EFCAB7: variants seen among roughly 807,000 people sequenced by gnomAD.
EFCAB7 encodes the protein EF-hand calcium binding domain 7, also known as EF-hand calcium-binding domain-containing protein 7.
Under a neutral mutation model 77.1 loss-of-function variants are expected in EFCAB7, and 66 were observed. The ratio of observed to expected loss-of-function variants is 0.86; its 90% confidence interval spans 0.70 to 1.05. The LOEUF (loss-of-function observed/expected upper bound fraction) is 1.05. Among genes scored for constraint, EFCAB7 ranks in the 50% least tolerant of loss-of-function variants. The probability of loss-of-function intolerance (pLI) is 0.00; values close to 1 mark genes in which losing one functional copy is unlikely to be tolerated. For synonymous variants in EFCAB7, 225 were observed against 243.3 expected (o/e 0.92, Z 0.70); for missense variants, 638 against 730.5 (o/e 0.87, Z 1.46).
chr1:63,579,211 A>G, the EFCAB7 span, among the ~76,000 whole-genome samples: 1 of 152,184 alleles, frequency 6.6e-6, no homozygotes, highest in Non-Finnish European at 1.5e-5. Context: ...TTATAGTCAC[A>G]TCCCCATGAC....
At position 63,551,755 on chromosome 1, in the gene EFCAB7, C is replaced by G. The variant is rs766962721; in HGVS notation, c.977C>G (p.Thr326Ser). The G allele has an allele frequency of 1.9e-6, 3 of 1,567,322 alleles. No individual in the cohort carries two copies. The Admixed American group carries it at 5.4e-5, about 28-fold the overall frequency. ...CCATCCCCTTGGTTATCCGTTGATA[C>G]TGCCTTGTATATTCTCAAGGAAAAT... ...GKPSPWLSVDTALYILKENES... is the reference protein window; with the variant it reads ...GKPSPWLSVDSALYILKENES... The change falls in exon 8 of 14, where the codon ACT (threonine) becomes AGT (serine). Residue 326 changes from threonine (T) to serine (S), a missense_variant. Thr to Ser is a moderately conservative substitution (Grantham distance 58). Coordinates refer to ENST00000371088, the MANE Select transcript of EFCAB7 (RefSeq NM_032437.4).
chr1:63,532,847 A>G, intron 4 of EFCAB7, 91 bp downstream of exon 4: 1 of 972,498 alleles, frequency 1.0e-6, no homozygotes, highest in Non-Finnish European at 1.6e-6. Context: ...AATTGACATT[A>G]CAGTGTACAT....
At chr1:63,580,314 A>G in the EFCAB7 span, among the ~76,000 whole-genome samples, 1 of 152,140 alleles carries the variant, frequency 6.6e-6, no homozygotes, top group Non-Finnish European at 1.5e-5. Context: ...CATCGGTTGA[A>G]AAGATTATCC....
intron 2 of EFCAB7, among the ~76,000 whole-genome samples, chr1:63,530,456 C>G (rs934133527): frequency 1.3e-5 from 2 of 152,132 alleles, no homozygotes; most frequent in Non-Finnish European, 2.9e-5. Flanking sequence ...TGTTATATTT[C>G]AGTATGCAGA....
intron 11 of EFCAB7, 149 bp from the exon 12 acceptor site, chr1:63,568,161 T>TAAATA: frequency 1.8e-6 from 1 of 571,100 alleles, no homozygotes; most frequent in Admixed American, 3.7e-5. Flanking sequence ...GCTTGCTTAT[T>TAAATA]ACTCAATTCA....
intron 10 of EFCAB7, among the ~76,000 whole-genome samples, chr1:63,558,336 G>A (rs981987629): frequency 6.6e-6 from 1 of 152,104 alleles, no homozygotes; most frequent in Non-Finnish European, 1.5e-5. Context: ...CAGAGTTGAC[G>A]GTTAACATTT....
intron 6 of EFCAB7, among the ~76,000 whole-genome samples, chr1:63,544,809 T>C (rs1000307445): frequency 5.3e-5 from 8 of 152,254 alleles, no homozygotes; most frequent in African/African-American, 1.9e-4. Context: ...AATATATTTC[T>C]TTTAGCAATC....
At chr1:63,557,037 CAA>C (rs35668099) in intron 9 of EFCAB7, 75 bp from the exon 10 acceptor site, 5,815 of 928,432 alleles carry the variant, frequency 6.3e-3, no homozygotes, top group East Asian at 9.3e-3. Context: ...GACTCCGTCT[CAA>C]AAAAAAAAAA....
chr1:63,557,254 A>G lies in EFCAB7; in HGVS notation c.1348+7A>G, dbSNP rs374825803. ...GCTTGGGCTGTCTGCAGAGGTAAGC[A>G]CTTTTCTTTTCCTTAACAGATGTAT... On this transcript the variant is annotated splice_region_variant and intron_variant, in intron 10 of 13. Coordinates refer to ENST00000371088, the MANE Select transcript of EFCAB7 (RefSeq NM_032437.4). 7.5e-6 allele frequency: 12 copies of G among 1,591,104 alleles called. No homozygotes were observed. The highest frequency in any genetic ancestry group is 7.0e-5 in the South Asian group (6 of 85,748).
intron 12 of EFCAB7, 26 bp from the exon 13 acceptor site, chr1:63,570,992 TAGC>T: frequency 6.8e-7 from 1 of 1,481,288 alleles, no homozygotes; most frequent in East Asian, 2.3e-5. Context: ...AAGAAAGGAA[TAGC>T]AGCTTATGAA....
chr1:63,561,787 A>T lies in EFCAB7; in HGVS notation c.1427A>T (p.Glu476Val). The change falls in exon 11 of 14, where the codon GAA becomes GTA. Residue 476 changes from glutamate (E) to valine (V), a missense_variant. Transcript: ENST00000371088. ...AATCTAATGGAAGCTAATGATCGAGAAGGAGATCCTTGTGACCTTTGGGTA... is the reference window on the plus strand; with the variant it reads ...AATCTAATGGAAGCTAATGATCGAGTAGGAGATCCTTGTGACCTTTGGGTA... ...DLNLMEANDR[E>V]GDPCDLWVTL... 1 of 1,609,482 alleles carries T rather than the reference A, an allele frequency of 6.2e-7. No homozygotes were observed. Among genetic ancestry groups the T allele is most frequent in the East Asian group, 2.2e-5 (1 of 44,600 alleles).
chr1:63,553,388 T>C (rs1425895369), intron 8 of EFCAB7, among the ~76,000 whole-genome samples: 1 of 152,232 alleles, frequency 6.6e-6, no homozygotes, highest in Non-Finnish European at 1.5e-5. Flanking sequence ...GTCGCCAGGC[T>C]GGAGTGCAGT....
At chr1:63,532,922 C>T (rs1646716555) in intron 4 of EFCAB7, among the ~76,000 whole-genome samples, 166 bp downstream of exon 4, 1 of 152,100 alleles carries the variant, frequency 6.6e-6, no homozygotes, top group African/African-American at 2.4e-5. Context: ...AACTAATTAA[C>T]ATGTCAGCAA....
At chr1:63,535,974 A>G (rs2100878800) in intron 6 of EFCAB7, among the ~76,000 whole-genome samples, 1 of 152,320 alleles carries the variant, frequency 6.6e-6, no homozygotes, top group South Asian at 2.1e-4. Flanking sequence ...ACTTAATGTA[A>G]TACGATAGGG....
At chr1:63,560,558 C>T (rs1647085669) in intron 10 of EFCAB7, among the ~76,000 whole-genome samples, 1 of 148,074 alleles carries the variant, frequency 6.8e-6, no homozygotes, top group Non-Finnish European at 1.5e-5. Flanking sequence ...ACTCTGTCAC[C>T]CAGGCTGTAG....
intron 3 of EFCAB7, 70 bp downstream of exon 3, chr1:63,532,101 C>T (rs1646704780): frequency 9.2e-7 from 1 of 1,087,376 alleles, no homozygotes; most frequent in African/African-American, 1.6e-5. Context: ...CTTTGACTAC[C>T]AAAGTCCACA....
chr1:63,577,114 C>T (rs964480335), downstream of EFCAB7, among the ~76,000 whole-genome samples: 3 of 150,756 alleles, frequency 2.0e-5, no homozygotes, highest in African/African-American at 7.3e-5. Flanking sequence ...CCACTGACTC[C>T]AGCCTGGGTG....
At chr1:63,525,070 C>T (rs1365391815) in intron 1 of EFCAB7, among the ~76,000 whole-genome samples, 2 of 152,164 alleles carry the variant, frequency 1.3e-5, no homozygotes, top group Non-Finnish European at 2.9e-5. Flanking sequence ...TCCCGATTCT[C>T]ATTATTCTGG....
At chr1:63,555,802 A>G (rs557102812) in intron 9 of EFCAB7, among the ~76,000 whole-genome samples, 1 of 152,200 alleles carries the variant, frequency 6.6e-6, no homozygotes, top group South Asian at 2.1e-4. Flanking sequence ...CACTGTCACA[A>G]TCATTGCTCA....
Sources: allele counts gnomAD v4.1 joint callset (sites outside exome capture counted in the v4.1 genomes callset), GRCh38; gene constraint gnomAD v4.1.1; transcripts MANE v1.5; gene names NCBI Gene and HGNC (gene_info 2026-07-23, HGNC 2026-07-21).